PPP1R13B: variants seen among roughly 807,000 people sequenced by gnomAD.
PPP1R13B encodes apoptosis-stimulating of p53 protein 1.
PPP1R13B carries 44 observed loss-of-function variants against 119.8 expected under a neutral mutation model. The ratio of observed to expected loss-of-function variants is 0.37; its 90% CI spans 0.29 to 0.47. The LOEUF (loss-of-function observed/expected upper bound fraction) is 0.47, where lower values mean the gene tolerates loss of function less well. PPP1R13B is among the 20% of genes least tolerant of loss of function. The pLI, the probability that PPP1R13B is intolerant of heterozygous loss-of-function variation, is 0.99. For synonymous variants in PPP1R13B, 542 were observed against 561.5 expected (o/e 0.97, Z 0.49); for missense variants, 1,227 against 1,413.5 (o/e 0.87, Z 2.12).
At chr14:103,843,611 A>C (rs368625568) in intron 1 of PPP1R13B, among the ~76,000 whole-genome samples, 14 of 152,332 alleles carry the variant, frequency 9.2e-5, no homozygotes, top group East Asian at 1.9e-4. Flanking sequence ...ACAACAACAA[A>C]AAAATACTAT....
rs2084589168 is a variant in PPP1R13B, at chr14:103,753,052, T to C, written c.776A>G (p.Lys259Arg). 1.2e-6 allele frequency: 2 copies of C among 1,614,218 alleles called. No individual in the cohort carries two copies. Among genetic ancestry groups the C allele is most frequent in the Admixed American group, 1.7e-5 (1 of 60,020 alleles). The change falls in exon 7 of 17, where the codon AAA (lysine) becomes AGA (arginine). Residue 259 changes from lysine to arginine, a missense_variant. Lys to Arg is a conservative substitution (Grantham distance 26). Coordinates refer to ENST00000202556, the MANE Select transcript of PPP1R13B (RefSeq NM_015316.3). Reference protein sequence around the residue: ...KLNGFQSYNGKLTGPAAVELK... With the variant: ...KLNGFQSYNGRLTGPAAVELK... ...CTCCACCGCCGCTGGTCCCGTCAAT[T>C]TGCCATTGTAAGACTGGAACCCATT...
chr14:103,837,875 T>G (rs1404893528), intron 1 of PPP1R13B, among the ~76,000 whole-genome samples: 2 of 152,094 alleles, frequency 1.3e-5, no homozygotes, highest in Admixed American at 1.3e-4. Flanking sequence ...TCCCAGCACT[T>G]TGGGAGGCCA....
chr14:103,805,351 A>AG (rs1567137486), intron 1 of PPP1R13B, among the ~76,000 whole-genome samples: 6 of 152,086 alleles, frequency 3.9e-5, no homozygotes, highest in Non-Finnish European at 5.9e-5. Context: ...GTGGCAGATT[A>AG]CTTGAGCTCA....
Position 103,736,060 on chromosome 14 carries a change from C to T in PPP1R13B, c.3174G>A (p.Glu1058=). The T allele has an allele frequency of 6.2e-7, 1 of 1,614,238 alleles. No individual in the cohort carries two copies. Among genetic ancestry groups the T allele is most frequent in the Non-Finnish European group, 8.5e-7 (1 of 1,180,048 alleles). The change falls in exon 16 of 17, where the codon GAG becomes GAA. Residue 1058 remains glutamate, a synonymous_variant. Coordinates refer to ENST00000202556, the MANE Select transcript of PPP1R13B (RefSeq NM_015316.3). ...ILRRKDESET[E]WWWARLGDRE... is the part of the protein sequence containing the mutation. The stretch of plus-strand genomic sequence containing the variant: ...GGTCTCCAAGGCGAGCCCACCACCA[C>T]TCAGTCTCGCTTTCGTCCTTGCGCC...
intron 2 of PPP1R13B, among the ~76,000 whole-genome samples, chr14:103,788,867 T>G (rs2085538362): frequency 6.6e-6 from 1 of 152,134 alleles, no homozygotes; most frequent in Admixed American, 6.6e-5. Context: ...CTGTTAGCAA[T>G]GTCAACAGTG....
At chr14:103,778,658 G>T in intron 4 of PPP1R13B, 87 bp downstream of exon 4, 3 of 1,026,404 alleles carry the variant, frequency 2.9e-6, no homozygotes, top group Non-Finnish European at 4.6e-6. Flanking sequence ...CTCCCACCTT[G>T]GCCTCCCAAA....
intron 2 of PPP1R13B, among the ~76,000 whole-genome samples, chr14:103,785,465 G>A (rs1479162777): frequency 4.6e-5 from 7 of 150,692 alleles, no homozygotes; most frequent in African/African-American, 1.2e-4. Context: ...TGATCCACCC[G>A]CCTTGGCCTC....
At chr14:103,744,029 C>G (rs1471386154) in intron 9 of PPP1R13B, 3 of 152,256 alleles carry the variant, frequency 2.0e-5, no homozygotes, top group Non-Finnish European at 4.4e-5. Flanking sequence ...GCCCCTGGAC[C>G]AACTGCCATC....
At chr14:103,741,756 G>A in intron 11 of PPP1R13B, 34 bp downstream of exon 11, 1 of 1,569,826 alleles carries the variant, frequency 6.4e-7, no homozygotes, top group Non-Finnish European at 8.6e-7. Context: ...TAATTTCCTA[G>A]CCCCAAGAAA....
At chr14:103,760,374 C>T (rs988843331) in intron 4 of PPP1R13B, among the ~76,000 whole-genome samples, 6 of 152,168 alleles carry the variant, frequency 3.9e-5, no homozygotes, top group African/African-American at 1.4e-4. Flanking sequence ...TCATTGATTG[C>T]ATCTAATAAG....
intron 2 of PPP1R13B, among the ~76,000 whole-genome samples, chr14:103,795,575 G>T (rs374376472): frequency 6.6e-6 from 1 of 152,126 alleles, no homozygotes; most frequent in East Asian, 1.9e-4. Context: ...TAATACTCGT[G>T]TAAAAATTTT....
At position 103,762,888 on chromosome 14, in the gene PPP1R13B, A is replaced by T. The variant is rs2084843327; in HGVS notation, c.355-5137T>A. On this transcript the variant is annotated intron_variant, in intron 4 of 16. Coordinates refer to ENST00000202556, the MANE Select transcript of PPP1R13B (RefSeq NM_015316.3). Reference sequence around the variant, plus strand: ...TCAAAAGAAGGACAAGACACAGTGGAATCAGAGCAAATTTCCATCAGGACA... The same window carrying T: ...TCAAAAGAAGGACAAGACACAGTGGTATCAGAGCAAATTTCCATCAGGACA... 1.7e-5 allele frequency: 17 copies of T among 988,324 alleles called. 1 individual carries two copies. Among genetic ancestry groups the T allele is most frequent in the Non-Finnish European group, 2.5e-5 (16 of 632,862 alleles). 61.2% of individuals were successfully genotyped at this position (988,324 alleles called of 1,614,324 possible). A position where few individuals can be genotyped will look rare whatever the true frequency, so the allele number is the denominator to read the frequency against.
intron 4 of PPP1R13B, among the ~76,000 whole-genome samples, chr14:103,769,186 A>G (rs1452187993): frequency 6.6e-6 from 1 of 152,108 alleles, no homozygotes; most frequent in African/African-American, 2.4e-5. Context: ...CCTGGGTTCA[A>G]GCAATTCTCC....
chr14:103,738,420 G>A lies in PPP1R13B; in HGVS notation c.2864+259C>T. On this transcript the variant is annotated intron_variant, in intron 14 of 16. Transcript: ENST00000202556. This position sits in a 1 kb window ranked among gnomAD's most constrained non-coding sequence, Gnocchi z 5.6. ...GAAGGGGAAGATGGAATGATTCACA[G>A]AATGCTTAGACTGCAATGTTAATGA... 1 of 522,606 alleles carries A rather than the reference G, an allele frequency of 1.9e-6. No homozygotes were observed. Among genetic ancestry groups the A allele is most frequent in the Non-Finnish European group, 3.4e-6 (1 of 291,680 alleles). 32.4% of individuals were successfully genotyped at this position (522,606 alleles called of 1,614,324 possible).
At chr14:103,833,747 T>C (rs2086710467) in intron 1 of PPP1R13B, among the ~76,000 whole-genome samples, 1 of 152,318 alleles carries the variant, frequency 6.6e-6, no homozygotes, top group East Asian at 1.9e-4. Flanking sequence ...TGTTGCCTCC[T>C]CTGTGAAACT....
intron 5 of PPP1R13B, among the ~76,000 whole-genome samples, chr14:103,755,910 A>C (rs2084666050): frequency 6.6e-6 from 1 of 152,220 alleles, no homozygotes. Flanking sequence ...AAACAAGTCC[A>C]ACCCAAATTA....
intron 1 of PPP1R13B, among the ~76,000 whole-genome samples, chr14:103,821,675 C>A (rs369587976): frequency 6.6e-6 from 1 of 151,998 alleles, no homozygotes; most frequent in Non-Finnish European, 1.5e-5. Context: ...TGCTTGAACC[C>A]GGGAGGCAGA....
chr14:103,792,906 T>TA (rs1403247231), intron 2 of PPP1R13B, among the ~76,000 whole-genome samples: 1 of 151,664 alleles, frequency 6.6e-6, no homozygotes, highest in Non-Finnish European at 1.5e-5. Context: ...TCGTCTCTAC[T>TA]AAAAAATGCA....
rs768163941 is a variant in PPP1R13B, at chr14:103,798,152, C to CTTTT, written c.10-638_10-635dup. Among the ~76,000 whole-genome samples the CTTTT allele has an allele frequency of 3.4e-3, 443 of 129,160 alleles. 10 individuals carry two copies. In the East Asian group the frequency reaches 0.035, roughly 10 times the overall value. The allele number at this position is 129,160 out of a possible 152,430, so 84.7% of individuals were successfully genotyped here. A position where few individuals can be genotyped will look rare whatever the true frequency, so the allele number is the denominator to read the frequency against. Reference sequence around the variant, plus strand: ...TCAAGTACATTAAATATAATAATCTCTTTTTTTTTTTTTTTTTGAGATGGA... The same window carrying CTTTT: ...TCAAGTACATTAAATATAATAATCTCTTTTTTTTTTTTTTTTTTTTTGAGATGGA... On this transcript the variant is annotated intron_variant, in intron 1 of 16. Transcript: ENST00000202556.
Sources: gnomAD v4.1 joint callset for allele counts (sites outside exome capture counted in the v4.1 genomes callset) on GRCh38, gnomAD v4.1.1 for gene constraint, Gnocchi (gnomAD v3.1) non-coding constraint, MANE v1.5 for transcripts, NCBI Gene and HGNC (gene_info 2026-07-23, HGNC 2026-07-21) for gene names.